The following VSIG10L variants were observed in gnomAD, a reference collection of about 807,000 sequenced individuals.
VSIG10L encodes V-set and immunoglobulin domain-containing protein 10-like.
A neutral mutation model predicts 67.3 loss-of-function variants in VSIG10L; 63 were observed. The observed-to-expected ratio is 0.94, with a 90% CI of 0.76 to 1.15. The LOEUF is 1.15. Among genes scored for constraint, VSIG10L ranks in the 50% most tolerant of loss-of-function variants. VSIG10L has a pLI of 0.00. For synonymous variants in VSIG10L, 499 were observed against 524.9 expected, an observed-to-expected ratio of 0.95 and a Z score of 0.67; for missense variants, 1,050 against 1,177.5, an observed-to-expected ratio of 0.89 and a Z score of 1.58.
In VSIG10L at chr19:51,341,638, G is replaced by T. The variant is rs1387717368; in HGVS notation, c.410C>A (p.Thr137Asn). ...AATGTTTGAAGCTGGGGTCTTAACA[G>T]TGAAGGAAGGCTTGGGGTCTTTGGC... ...VPAKDPKPSF[T>N]VKTPASNIST... The change falls in exon 2 of 10, where the codon ACT becomes AAT. Residue 137 changes from threonine to asparagine, a missense_variant. Physicochemically the swap from Thr to Asn is moderately conservative, Grantham distance 65 (BLOSUM62 0). This residue lies in a region of VSIG10L where 511 missense variants were observed against 557.9 expected (regional missense o/e 0.92). Transcript: ENST00000335624. 2 of 1,551,640 alleles carry T rather than the reference G, an allele frequency of 1.3e-6. No individual in the cohort carries two copies. The highest frequency in any genetic ancestry group is 2.7e-5 in the African/African-American group (2 of 73,056).
intron 5 of VSIG10L, 87 bp downstream of exon 5, chr19:51,338,801 C>T: frequency 2.3e-6 from 3 of 1,317,742 alleles, no homozygotes; most frequent in Non-Finnish European, 2.9e-6. Context: ...AAGGACGTAC[C>T]CCATACCCCT....
chr19:51,341,391 G>T lies in VSIG10L; in HGVS notation c.657C>A (p.Pro219=). Residue 219 remains proline, a synonymous_variant, in exon 2 of 10, where the codon CCC becomes CCA. Coordinates refer to ENST00000335624, the MANE Select transcript of VSIG10L (RefSeq NM_001163922.3). The stretch of plus-strand genomic sequence containing the variant: ...GGCGCCAGACCACCAGAGAGGTGGG[G>T]GGCCCAGGGTTGGGGATTGGGACTA... ...LPLVPIPNPG[P]PTSLVVWRRG... The T allele has an allele frequency of 6.5e-7, 1 of 1,536,658 alleles. No individual in the cohort carries two copies. Among genetic ancestry groups the T allele is most frequent in the East Asian group, 2.4e-5 (1 of 40,872 alleles).
At chr19:51,333,453 C>T (rs1985403309) in intron 9 of VSIG10L, among the ~76,000 whole-genome samples, 2 of 151,694 alleles carry the variant, frequency 1.3e-5, no homozygotes, top group South Asian at 4.2e-4. Flanking sequence ...CGCTTGAACC[C>T]AGGAGGCGGA....
At position 51,332,542 on chromosome 19, in the gene VSIG10L, C is replaced by T. The variant is rs1274029568; in HGVS notation, c.*69G>A. Reference sequence around the variant, plus strand: ...AATAGGAAGTTCTGGCCCAAAACGCCCTGTGCAGGGCAGACCACTGGCTCT... The same window carrying T: ...AATAGGAAGTTCTGGCCCAAAACGCTCTGTGCAGGGCAGACCACTGGCTCT... On this transcript the variant is annotated 3_prime_UTR_variant, in exon 10 of 10. Transcript: ENST00000335624. 2 of 1,538,436 alleles carry T rather than the reference C, an allele frequency of 1.3e-6. No homozygotes were observed. Among genetic ancestry groups the T allele is most frequent in the Non-Finnish European group, 8.8e-7 (1 of 1,134,982 alleles).
intron 9 of VSIG10L, 98 bp from the exon 10 acceptor site, chr19:51,332,738 T>G (rs1172097163): frequency 8.1e-7 from 1 of 1,232,930 alleles, no homozygotes; most frequent in Non-Finnish European, 1.1e-6. Flanking sequence ...CTTGAACTTT[T>G]TAGAGATTAT....
At chr19:51,334,972 A>G (rs1985448016) in intron 7 of VSIG10L, among the ~76,000 whole-genome samples, 1 of 152,218 alleles carries the variant, frequency 6.6e-6, no homozygotes, top group Non-Finnish European at 1.5e-5. Flanking sequence ...AAAACAAAAA[A>G]GGAACAATGG....
chr19:51,337,218 C>T lies in VSIG10L; in HGVS notation c.2305+20G>A. On this transcript the variant is annotated intron_variant, in intron 7 of 9. Transcript: ENST00000335624. ...GATCTGGCACAACAGAGAAGGTCTA[C>T]TCTGACAGCCCCAACTCACCGGCCC... is the stretch of plus-strand genomic sequence containing the variant. 6.5e-7 allele frequency: 1 copy of T among 1,534,470 alleles called. No homozygotes were observed. Among genetic ancestry groups the T allele is most frequent in the South Asian group, 1.2e-5 (1 of 81,932 alleles).
chr19:51,340,558 C>T lies in VSIG10L; in HGVS notation c.1064G>A (p.Arg355Gln). 1 of 1,535,670 alleles carries T rather than the reference C, an allele frequency of 6.5e-7. No individual in the cohort carries two copies. The highest frequency in any genetic ancestry group is 1.4e-5 in the African/African-American group (1 of 73,098). The change falls in exon 3 of 10, where the codon CGG becomes CAG. Residue 355 changes from arginine (R) to glutamine (Q), a missense_variant. Physicochemically the swap from Arg to Gln is conservative, Grantham distance 43. This residue lies in a region of VSIG10L where 511 missense variants were observed against 557.9 expected (regional missense o/e 0.92). Coordinates refer to ENST00000335624, the MANE Select transcript of VSIG10L (RefSeq NM_001163922.3). The surrounding 1 kb of genome is among the most constrained non-coding windows in gnomAD (Gnocchi z 6.3). The part of the protein sequence containing the change: ...AAESEGAETP[R>Q]MRSEGDQLLI... ...CAGCTGGTCGCCCTCTGAGCGCATC[C>T]GGGGCGTCTCGGCTCCCTCCGATTC...
chr19:51,334,039 G>T, intron 8 of VSIG10L, 94 bp from the exon 9 acceptor site: 1 of 1,518,388 alleles, frequency 6.6e-7, no homozygotes, highest in Non-Finnish European at 8.9e-7. Context: ...TGGAGAGGCG[G>T]AGCCTTATGC....
chr19:51,338,180 C>T lies in VSIG10L; in HGVS notation c.1758G>A (p.Pro586=), dbSNP rs201785306. 2.7e-6 allele frequency: 4 copies of T among 1,499,828 alleles called. No individual in the cohort carries two copies. In the Admixed American group the frequency reaches 7.0e-5, roughly 26 times the overall value. 92.9% of individuals were successfully genotyped at this position (1,499,828 alleles called of 1,614,324 possible). A position where few individuals can be genotyped will look rare whatever the true frequency, so the allele number is the denominator to read the frequency against. ...PEAPREVLLH[P]LVAETRLGEA... ...CCCCCAACCGTGTCTCTGCCACCAG[C>T]GGATGCAGCAGCACCTCTCGGGGGG... Residue 586 remains proline, a synonymous_variant, in exon 6 of 10, where the codon CCG becomes CCA. Coordinates refer to ENST00000335624, the MANE Select transcript of VSIG10L (RefSeq NM_001163922.3).
rs1431219594 is a variant in VSIG10L, at chr19:51,341,547, A to G, written c.501T>C (p.Asp167=). Residue 167 remains aspartate, a synonymous_variant, in exon 2 of 10, where the codon GAT becomes GAC. Transcript: ENST00000335624. ...TCTGGGCAGAGAGTTTAAGATCCAT[A>G]TCATCCGGGGAGAATTTTGAATCTG... is the stretch of plus-strand genomic sequence containing the variant. The part of the protein sequence containing the change: ...EAPDSKFSPD[D]MDLKLSAQSP... The G allele has an allele frequency of 4.5e-6, 7 of 1,551,610 alleles. No individual in the cohort carries two copies. The East Asian group carries it at 1.2e-4, about 27-fold the overall frequency.
At position 51,340,109 on chromosome 19, in the gene VSIG10L, C is replaced by A. The variant is rs1440181942; in HGVS notation, c.1380G>T (p.Ala460=). 21 of 1,321,622 alleles carry A rather than the reference C, an allele frequency of 1.6e-5. No homozygotes were observed. The South Asian group carries it at 3.4e-4, about 21-fold the overall frequency. The allele number at this position is 1,321,622 out of a possible 1,614,324, so 81.9% of individuals were successfully genotyped here. The change falls in exon 4 of 10, where the codon GCG becomes GCT. Residue 460 remains alanine (A), a synonymous_variant. Coordinates refer to ENST00000335624, the MANE Select transcript of VSIG10L (RefSeq NM_001163922.3). This position sits in a 1 kb window ranked among gnomAD's most constrained non-coding sequence, Gnocchi z 6.3. ...AGGTGCCTGCGTGGCCCGGTCCGAC[C>A]GCGGGCAGCAGGAGGCGCGACCCCG... ...VPAGSRLLLP[A]VGPGHAGTYA...
intron 6 of VSIG10L, among the ~76,000 whole-genome samples, 157 bp from the exon 7 acceptor site, chr19:51,337,691 A>C (rs1985519260): frequency 1.3e-5 from 1 of 77,204 alleles, no homozygotes. Context: ...CCTGGATCTG[A>C]GGGTGGAAGG....
In VSIG10L at chr19:51,332,570, T is replaced by C. The variant is rs1438489622; in HGVS notation, c.*41A>G. On this transcript the variant is annotated 3_prime_UTR_variant, in exon 10 of 10. Coordinates refer to ENST00000335624, the MANE Select transcript of VSIG10L (RefSeq NM_001163922.3). The stretch of plus-strand genomic sequence containing the variant: ...GTGCAGGGCAGACCACTGGCTCTGA[T>C]CACACCTGTGTGGCTGCGCGAACAG... 1.0e-5 allele frequency: 16 copies of C among 1,551,162 alleles called. No homozygotes were observed. Among genetic ancestry groups the C allele is most frequent in the Non-Finnish European group, 1.3e-5 (15 of 1,146,642 alleles).
Position 51,341,595 on chromosome 19 carries a change from A to G in VSIG10L, c.453T>C (p.His151=). 6.4e-7 allele frequency: 1 copy of G among 1,551,708 alleles called. No individual in the cohort carries two copies. Among genetic ancestry groups the G allele is most frequent in the Non-Finnish European group, 8.7e-7 (1 of 1,146,994 alleles). ...PASNISTQVS[H]TKLSVEAPDS... ...CTGGGGCCTCAACAGACAGTTTGGT[A>G]TGGGAGACTTGAGTAGAAATGTTTG... The change falls in exon 2 of 10, where the codon CAT becomes CAC. Residue 151 remains histidine (H), a synonymous_variant. Coordinates refer to ENST00000335624, the MANE Select transcript of VSIG10L (RefSeq NM_001163922.3).
In VSIG10L at chr19:51,341,868, C is replaced by A. The variant is rs1985649269; in HGVS notation, c.180G>T (p.Trp60Cys). 8 of 1,551,524 alleles carry A rather than the reference C, an allele frequency of 5.2e-6. No individual in the cohort carries two copies. The Admixed American group carries it at 1.6e-4, about 30-fold the overall frequency. ...AATCCAGGAACTGATCTGGAACTTTCCAGCTGGGAGGTTTGATGGAGGGAA... is the reference window on the plus strand; with the variant it reads ...AATCCAGGAACTGATCTGGAACTTTACAGCTGGGAGGTTTGATGGAGGGAA... ...VEVPSIKPPS[W>C]KVPDQFLDSK... The change falls in exon 2 of 10, where the codon TGG (tryptophan) becomes TGT (cysteine). Residue 60 changes from tryptophan to cysteine, a missense_variant. Transcript: ENST00000335624.
chr19:51,338,219 G>T lies in VSIG10L; in HGVS notation c.1730-11C>A. 2 of 1,458,718 alleles carry T rather than the reference G, an allele frequency of 1.4e-6. No homozygotes were observed. The allele number at this position is 1,458,718 out of a possible 1,614,324, so 90.4% of individuals were successfully genotyped here. On this transcript the variant is annotated splice_polypyrimidine_tract_variant and intron_variant, in intron 5 of 9. Coordinates refer to ENST00000335624, the MANE Select transcript of VSIG10L (RefSeq NM_001163922.3). ...CCTCTCGGGGGGCCTCTGCCGGTGG[G>T]AGAAGTCCAGTTAAGAAAGTCAAGA...
Position 51,342,116 on chromosome 19 carries a change from G to C in VSIG10L, c.9C>G (p.Asn3Lys). The C allele has an allele frequency of 1.3e-6, 2 of 1,551,588 alleles. No individual in the cohort carries two copies. The highest frequency in any genetic ancestry group is 1.7e-6 in the Non-Finnish European group (2 of 1,146,970). The change falls in exon 1 of 10, where the codon AAC (asparagine) becomes AAG (lysine). Residue 3 changes from asparagine to lysine, a missense_variant. Transcript: ENST00000335624. This position sits in a 1 kb window ranked among gnomAD's most constrained non-coding sequence, Gnocchi z 4.4. The stretch of plus-strand genomic sequence containing the variant: ...GTAGGAAGAGTGGCAGAGCCTGTGG[G>C]TTGTCCATGGTGCTGGCCTCACTGA... MD[N>K]PQALPLFLLL... is the part of the protein sequence containing the mutation.
Position 51,339,004 on chromosome 19 carries a change from C to A in VSIG10L, c.1613G>T (p.Gly538Val). 1 of 1,400,276 alleles carries A rather than the reference C, an allele frequency of 7.1e-7. No individual in the cohort carries two copies. Among genetic ancestry groups the A allele is most frequent in the South Asian group, 1.5e-5 (1 of 64,710 alleles). 86.7% of individuals were successfully genotyped at this position (1,400,276 alleles called of 1,614,324 possible). A position where few individuals can be genotyped will look rare whatever the true frequency, so the allele number is the denominator to read the frequency against. The change falls in exon 5 of 10, where the codon GGG becomes GTG. Residue 538 changes from glycine to valine, a missense_variant. Around this residue, in one of 3 missense-constraint regions of VSIG10L, gnomAD observed 529 missense variants for 584.9 expected, o/e 0.90. Transcript: ENST00000335624. ...CGCCAGCAGCACAGAGGACACTGGCCCGGCGCGGATGCCTTCGGGGAGACC... is the reference window on the plus strand; with the variant it reads ...CGCCAGCAGCACAGAGGACACTGGCACGGCGCGGATGCCTTCGGGGAGACC... Reference protein sequence around the residue: ...FQGLPEGIRAGPVSSVLLAAV... With the variant: ...FQGLPEGIRAVPVSSVLLAAV...
Sources: gnomAD v4.1 joint callset for allele counts (sites outside exome capture counted in the v4.1 genomes callset) on GRCh38, gnomAD v4.1.1 for gene constraint, gnomAD v4.1.1 regional missense constraint, Gnocchi (gnomAD v3.1) non-coding constraint, MANE v1.5 for transcripts, NCBI Gene and HGNC (gene_info 2026-07-23, HGNC 2026-07-21) for gene names.